Variants in MECOM observed in about 807,000 individuals in gnomAD.
MECOM encodes the protein MDS1 and EVI1 complex locus.
Under a neutral mutation model 116.3 loss-of-function variants are expected in MECOM, and 13 were observed. That is an observed-to-expected ratio of 0.11 (90% confidence interval 0.07 to 0.18). The LOEUF (loss-of-function observed/expected upper bound fraction) is 0.18. Among genes scored for constraint, MECOM ranks in the 10% least tolerant of loss-of-function variants. MECOM has a pLI of 1.00. For synonymous variants in MECOM, 528 were observed against 535.2 expected (o/e 0.99, Z 0.19); for missense variants, 1,299 against 1,509.0 (o/e 0.86, Z 2.31).
At chr3:169,545,798 C>G (rs942392121) in intron 1 of MECOM, among the ~76,000 whole-genome samples, 1 of 152,160 alleles carries the variant, frequency 6.6e-6, no homozygotes, top group South Asian at 2.1e-4. Flanking sequence ...ACATGAATCT[C>G]TGCTGCCACT....
chr3:169,315,445 A>G (rs551615594), intron 2 of MECOM, among the ~76,000 whole-genome samples: 136 of 152,324 alleles, frequency 8.9e-4, no homozygotes, highest in African/African-American at 3.1e-3. Flanking sequence ...TTTTCTAGAG[A>G]TGTTTGGCCT....
At chr3:169,101,957 A>G (rs905983405) in intron 11 of MECOM, 103 bp downstream of exon 11, 1 of 1,089,076 alleles carries the variant, frequency 9.2e-7, no homozygotes, top group African/African-American at 1.6e-5. Context: ...TATGGTGGCT[A>G]TTAATCATCT....
Position 169,147,733 on chromosome 3 carries a change from T to TGTGC in MECOM, c.376-3902_376-3901insGCAC, listed in dbSNP as rs1553859061. On this transcript the variant is annotated intron_variant, in intron 2 of 16. Transcript: ENST00000651503. ...CAAGTGTGGTGTGTGTGTGTGTGTG[T>TGTGC]GCGCGCGAGTGTGTGTGTGCATGTG... is the stretch of plus-strand genomic sequence containing the variant. The TGTGC allele has an allele frequency of 2.0e-4, 195 of 977,844 alleles. No individual in the cohort carries two copies. The South Asian group carries it at 5.5e-3, about 27-fold the overall frequency. 60.6% of individuals were successfully genotyped at this position (977,844 alleles called of 1,614,324 possible). A position where few individuals can be genotyped will look rare whatever the true frequency, so the allele number is the denominator to read the frequency against.
chr3:169,409,060 C>G (rs941233026), intron 1 of MECOM, among the ~76,000 whole-genome samples: 1 of 152,090 alleles, frequency 6.6e-6, no homozygotes, highest in African/African-American at 2.4e-5. Flanking sequence ...GGGAAATTGG[C>G]CTAGGTTAGA....
chr3:169,140,078 C>T lies in MECOM; in HGVS notation c.510+3620G>A, dbSNP rs548639663. On this transcript the variant is annotated intron_variant, in intron 3 of 16. Transcript: ENST00000651503. ...ATGAAAAAAAAACATTTTTATGCTT[C>T]CTCTCTATATTGGTCCTCTTGAGGA... Among the ~76,000 whole-genome samples, 5 of 151,074 alleles carry T rather than the reference C, an allele frequency of 3.3e-5. No homozygotes were observed. The East Asian group carries it at 7.8e-4, about 23-fold the overall frequency.
rs549428383 is a variant in MECOM at position 169,344,001 on chromosome 3, C to T, written c.375+37186G>A. On this transcript the variant is annotated intron_variant, in intron 2 of 16. Transcript: ENST00000651503. ...TTCTAACCTGAAGACATAAAATTGG[C>T]GAGTTCTTAAAATTGTTGGAAATAA... Among the ~76,000 whole-genome samples the T allele has an allele frequency of 1.3e-4, 19 of 151,876 alleles. No homozygotes were observed. In the South Asian group the frequency reaches 2.5e-3, roughly 20 times the overall value.
chr3:169,399,049 T>C (rs1735456442), intron 1 of MECOM, among the ~76,000 whole-genome samples: 1 of 152,166 alleles, frequency 6.6e-6, no homozygotes, highest in South Asian at 2.1e-4. Context: ...AAAACGTACC[T>C]CAAAACATAT....
chr3:169,540,577 T>A (rs548266280), intron 1 of MECOM, among the ~76,000 whole-genome samples: 1 of 152,320 alleles, frequency 6.6e-6, no homozygotes, highest in Non-Finnish European at 1.5e-5. Flanking sequence ...ATCCTGCCTA[T>A]CTCTCCTCTT....
At chr3:169,522,854 T>C (rs1757514900) in intron 1 of MECOM, among the ~76,000 whole-genome samples, 1 of 152,232 alleles carries the variant, frequency 6.6e-6, no homozygotes, top group African/African-American at 2.4e-5. Context: ...TGAATGTTTT[T>C]AGTAATTGAT....
intron 2 of MECOM, among the ~76,000 whole-genome samples, chr3:169,281,519 C>A (rs1711998469): frequency 6.6e-6 from 1 of 152,104 alleles, no homozygotes; most frequent in Non-Finnish European, 1.5e-5. Flanking sequence ...TTGCAAAAGA[C>A]TTCATTGAGG....
chr3:169,463,214 C>T (rs924195777), intron 1 of MECOM, among the ~76,000 whole-genome samples: 15 of 152,134 alleles, frequency 9.9e-5, no homozygotes, highest in Admixed American at 9.8e-4. Context: ...AAAGAAACCA[C>T]CCCACTGGGA....
intron 2 of MECOM, chr3:169,147,782 GGGGATGGGA>G: frequency 1.0e-6 from 1 of 969,660 alleles, no homozygotes; most frequent in Non-Finnish European, 1.2e-6. Flanking sequence ...GAGAGAGATG[GGGGATGGGA>G]GGGATGGGGA....
At chr3:169,601,449 C>T (rs2109743528) in intron 1 of MECOM, among the ~76,000 whole-genome samples, 1 of 152,306 alleles carries the variant, frequency 6.6e-6, no homozygotes, top group South Asian at 2.1e-4. Context: ...AGGAATAGAG[C>T]ACTGAGTGTA....
intron 2 of MECOM, among the ~76,000 whole-genome samples, chr3:169,212,633 AATGTATATAT>A (rs71166251): frequency 0.061 from 5,242 of 85,326 alleles, 889 homozygotes; most frequent in East Asian, 0.086. Context: ...TCTAGTCAGC[AATGTATATAT>A]ATATATATAT....
At chr3:169,598,913 A>G (rs1560478269) in intron 1 of MECOM, among the ~76,000 whole-genome samples, 1 of 152,156 alleles carries the variant, frequency 6.6e-6, no homozygotes. Flanking sequence ...AACTTTGGAA[A>G]CATCACAGGT....
intron 1 of MECOM, among the ~76,000 whole-genome samples, chr3:169,420,182 A>AT (rs999329937): frequency 6.6e-6 from 1 of 152,162 alleles, no homozygotes; most frequent in Admixed American, 6.6e-5. Context: ...TAGTTCAACC[A>AT]TTGTGGAAGA....
intron 1 of MECOM, among the ~76,000 whole-genome samples, chr3:169,404,211 T>C (rs1174958670): frequency 6.6e-6 from 1 of 152,094 alleles, no homozygotes; most frequent in Non-Finnish European, 1.5e-5. Context: ...TTAAAAAAAA[T>C]AGTTTGAAAA....
intron 1 of MECOM, among the ~76,000 whole-genome samples, chr3:169,395,549 C>T (rs537147313): frequency 2.0e-5 from 3 of 152,242 alleles, no homozygotes; most frequent in Admixed American, 2.0e-4. Flanking sequence ...AGATTAACAA[C>T]CAAACACAGT....
At chr3:169,254,550 A>G (rs1007609194) in intron 2 of MECOM, among the ~76,000 whole-genome samples, 1 of 152,144 alleles carries the variant, frequency 6.6e-6, no homozygotes, top group Non-Finnish European at 1.5e-5. Flanking sequence ...TCAGGGGGAA[A>G]AACCACAGTT....
Sources: allele counts gnomAD v4.1 joint callset (sites outside exome capture counted in the v4.1 genomes callset), GRCh38; gene constraint gnomAD v4.1.1; transcripts MANE v1.5; gene names NCBI Gene and HGNC (gene_info 2026-07-23, HGNC 2026-07-21).